BCR: variants seen among roughly 807,000 people sequenced by gnomAD.
BCR encodes the protein BCR activator of RhoGEF and GTPase.
BCR carries 58 observed loss-of-function variants against 138.6 expected under a neutral mutation model. That is an observed-to-expected ratio of 0.42 (90% CI 0.34 to 0.52). BCR has a LOEUF of 0.52. BCR is among the 20% of genes least tolerant of loss of function. The pLI is 0.06. For missense variants in BCR, 1,599 were observed against 1,727.2 expected, an observed-to-expected ratio of 0.93 and a Z score of 1.32; for synonymous variants, 786 against 730.1, an observed-to-expected ratio of 1.08 and a Z score of -1.23.
chr22:23,231,844 C>A (rs1005974755), intron 1 of BCR, among the ~76,000 whole-genome samples: 4 of 152,224 alleles, frequency 2.6e-5, no homozygotes. Context: ...TTTGGAGCTG[C>A]AGGTGTTGGG....
intron 1 of BCR, among the ~76,000 whole-genome samples, chr22:23,226,321 AGAGAGAGTGTGTGTGTGT>A (rs1363900755): frequency 3.4e-5 from 5 of 146,574 alleles, no homozygotes; most frequent in East Asian, 4.0e-4. Flanking sequence ...AGAGAGAGAG[AGAGAGAGTGTGTGTGTGT>A]GTGTGTGTGT....
chr22:23,269,654 AT>A (rs2073486580), intron 5 of BCR, among the ~76,000 whole-genome samples: 1 of 152,136 alleles, frequency 6.6e-6, no homozygotes, highest in Non-Finnish European at 1.5e-5. Context: ...CAGGCTCTGC[AT>A]GTATCCGGGG....
chr22:23,313,194 G>T (rs1284706495), intron 20 of BCR, among the ~76,000 whole-genome samples, 173 bp downstream of exon 20: 1 of 152,198 alleles, frequency 6.6e-6, no homozygotes, highest in Non-Finnish European at 1.5e-5. Flanking sequence ...GTCCTGGAAG[G>T]CCTTGCCCAT....
intron 10 of BCR, 37 bp downstream of exon 10, chr22:23,285,238 G>T: frequency 6.3e-7 from 1 of 1,582,298 alleles, no homozygotes; most frequent in Non-Finnish European, 8.6e-7. Context: ...GTTTGGTGTG[G>T]TCAGAGTGGC....
intron 4 of BCR, among the ~76,000 whole-genome samples, chr22:23,265,510 C>A (rs2073430126): frequency 6.6e-6 from 1 of 152,258 alleles, no homozygotes. Flanking sequence ...GATCCACGTC[C>A]AGTGGTTCAG....
chr22:23,223,289 T>C (rs532313774), intron 1 of BCR, among the ~76,000 whole-genome samples: 2 of 152,092 alleles, frequency 1.3e-5, no homozygotes, highest in East Asian at 3.9e-4. Flanking sequence ...AGTGTGAGCA[T>C]GTGTGAGTAT....
Position 23,181,675 on chromosome 22 carries a change from A to G in BCR, c.715A>G (p.Ser239Gly). 6.2e-7 allele frequency: 1 copy of G among 1,606,728 alleles called. No homozygotes were observed. The highest frequency in any genetic ancestry group is 8.5e-7 in the Non-Finnish European group (1 of 1,179,834). Residue 239 changes from serine to glycine, a missense_variant, in exon 1 of 23, where the codon AGC (serine) becomes GGC (glycine). By Grantham distance (56) the Ser-to-Gly change is moderately conservative. Transcript: ENST00000305877. ...TTACCGGGGACGCTCCTCGGAGAGC[A>G]GCTGCGGCGTCGACGGCGACTACGA... ...PPYRGRSSES[S>G]CGVDGDYEDA...
At chr22:23,245,551 G>A (rs376340532) in intron 1 of BCR, among the ~76,000 whole-genome samples, 5 of 152,096 alleles carry the variant, frequency 3.3e-5, no homozygotes, top group Non-Finnish European at 7.4e-5. Flanking sequence ...GATGGGGCAC[G>A]TCTCATTTAT....
intron 1 of BCR, among the ~76,000 whole-genome samples, chr22:23,231,220 A>G (rs113822421): frequency 3.9e-5 from 6 of 152,244 alleles, no homozygotes; most frequent in African/African-American, 1.4e-4. Context: ...GTGCCTTTCT[A>G]AAATTAGACC....
At position 23,314,009 on chromosome 22, in the gene BCR, C is replaced by A; in HGVS notation, c.3499C>A (p.Leu1167Met). 3 of 1,614,056 alleles carry A rather than the reference C, an allele frequency of 1.9e-6. No individual in the cohort carries two copies. Among genetic ancestry groups the A allele is most frequent in the Non-Finnish European group, 2.5e-6 (3 of 1,180,018 alleles). ...PVAKESCMLN[L>M]LLSLPEANLL... is the part of the protein sequence containing the mutation. ...TGCAAAGGAGAGCTGCATGCTCAACCTGCTGCTGTCCCTGCCGGAGGCCAA... is the reference window on the plus strand; with the variant it reads ...TGCAAAGGAGAGCTGCATGCTCAACATGCTGCTGTCCCTGCCGGAGGCCAA... The change falls in exon 21 of 23, where the codon CTG (leucine) becomes ATG (methionine). Residue 1167 changes from leucine to methionine, a missense_variant. Coordinates refer to ENST00000305877, the MANE Select transcript of BCR (RefSeq NM_004327.4).
At chr22:23,216,769 C>T (rs990235398) in intron 1 of BCR, among the ~76,000 whole-genome samples, 1 of 152,230 alleles carries the variant, frequency 6.6e-6, no homozygotes, top group Non-Finnish European at 1.5e-5. Flanking sequence ...TAGCTAAGGA[C>T]TTGGTAGGGA....
intron 1 of BCR, among the ~76,000 whole-genome samples, chr22:23,232,789 G>C (rs1414721116): frequency 6.6e-6 from 1 of 152,202 alleles, no homozygotes; most frequent in Non-Finnish European, 1.5e-5. Flanking sequence ...ATGTAGGAAG[G>C]CCTTATTTAC....
intron 1 of BCR, among the ~76,000 whole-genome samples, chr22:23,194,923 C>T (rs186721004): frequency 3.3e-5 from 5 of 152,056 alleles, no homozygotes; most frequent in Admixed American, 6.5e-5. Flanking sequence ...CCAGCCTGGG[C>T]GACAGAGCAA....
At position 23,294,557 on chromosome 22, in the gene BCR, C is replaced by T. The variant is rs6003603; in HGVS notation, c.2881-467C>T. Among the ~76,000 whole-genome samples the T allele has an allele frequency of 4.0e-3, 604 of 152,314 alleles. 9 individuals carry two copies. The highest frequency in any genetic ancestry group is 0.014 in the African/African-American group (577 of 41,568). On this transcript the variant is annotated intron_variant, in intron 15 of 22. Transcript: ENST00000305877. ...CTGGGATCACAGGCATGCACCACCA[C>T]GCCATACTATTTTTCGTATTTTTAG...
chr22:23,236,167 A>G (rs1470154934), intron 1 of BCR, among the ~76,000 whole-genome samples: 1 of 152,178 alleles, frequency 6.6e-6, no homozygotes, highest in African/African-American at 2.4e-5. Flanking sequence ...CCAGCCAGCC[A>G]GGTGGCCTCC....
chr22:23,188,040 G>GTT (rs1446970759), intron 1 of BCR, among the ~76,000 whole-genome samples: 2 of 152,212 alleles, frequency 1.3e-5, no homozygotes, highest in Non-Finnish European at 2.9e-5. Context: ...GTTTGAGTGA[G>GTT]TAACTGTGGG....
At chr22:23,263,157 G>A in intron 4 of BCR, 2 of 755,168 alleles carry the variant, frequency 2.6e-6, no homozygotes. Flanking sequence ...AGCCAGGGAG[G>A]AGGAGGAGGA....
intron 1 of BCR, among the ~76,000 whole-genome samples, chr22:23,231,614 A>G (rs1226069469): frequency 1.3e-5 from 2 of 152,262 alleles, no homozygotes; most frequent in Non-Finnish European, 2.9e-5. Flanking sequence ...GACTTGGGCC[A>G]TGCCTGAGCT....
At chr22:23,198,517 A>G (rs1290616108) in intron 1 of BCR, 4 of 245,808 alleles carry the variant, frequency 1.6e-5, no homozygotes, top group Non-Finnish European at 3.3e-5. Context: ...TGTTGTAGCT[A>G]TGCTTTGAAG....
Sources: gnomAD v4.1 joint callset for allele counts (sites outside exome capture counted in the v4.1 genomes callset) on GRCh38, gnomAD v4.1.1 for gene constraint, MANE v1.5 for transcripts, NCBI Gene and HGNC (gene_info 2026-07-23, HGNC 2026-07-21) for gene names.